The following OTOA variants were observed in gnomAD, a reference collection of about 807,000 sequenced individuals.
The protein encoded by OTOA is cancer/testis antigen 108.
A neutral mutation model predicts 110.8 loss-of-function variants in OTOA; 70 were observed. That is an observed-to-expected ratio of 0.63 (90% CI 0.52 to 0.77). OTOA has a LOEUF of 0.77. OTOA is among the 30% of genes least tolerant of loss of function. The probability of loss-of-function intolerance (pLI) is 0.00; values close to 1 mark genes in which losing one functional copy is unlikely to be tolerated. For synonymous variants in OTOA, 373 were observed against 431.5 expected (o/e 0.86, Z 1.68); for missense variants, 917 against 1,075.8 (o/e 0.85, Z 2.06).
intron 10 of OTOA, among the ~76,000 whole-genome samples, chr16:21,698,796 G>A (rs1479632905): frequency 6.6e-6 from 1 of 152,124 alleles, no homozygotes; most frequent in Non-Finnish European, 1.5e-5. Context: ...TCAATGTAGA[G>A]TTGCTTTGAG....
chr16:21,720,466 C>A (rs1410252341), intron 17 of OTOA, among the ~76,000 whole-genome samples: 1 of 152,156 alleles, frequency 6.6e-6, no homozygotes, highest in Non-Finnish European at 1.5e-5. Context: ...GGTGTATAAT[C>A]CTTCAAGATC....
At chr16:21,698,220 A>G (rs1237604644) in intron 10 of OTOA, among the ~76,000 whole-genome samples, 1 of 152,224 alleles carries the variant, frequency 6.6e-6, no homozygotes, top group African/African-American at 2.4e-5. Context: ...GACAAAAGAT[A>G]TAAAGTTTCC....
intron 22 of OTOA, among the ~76,000 whole-genome samples, chr16:21,738,791 C>A (rs1302661928): frequency 3.9e-5 from 6 of 152,302 alleles, no homozygotes; most frequent in African/African-American, 1.4e-4. Flanking sequence ...AACAGGAATG[C>A]CTATTCCCAT....
chr16:21,737,347 C>T (rs1222855985), intron 22 of OTOA, among the ~76,000 whole-genome samples: 1 of 152,304 alleles, frequency 6.6e-6, no homozygotes, highest in Non-Finnish European at 1.5e-5. Flanking sequence ...GCCTCAGCCT[C>T]CTGACTAGCT....
rs149356133 is a variant in OTOA at position 21,687,508 on chromosome 16, G to A, written c.495G>A (p.Glu165=). The A allele has an allele frequency of 3.2e-5, 51 of 1,614,006 alleles. No individual in the cohort carries two copies. In the African/African-American group the frequency reaches 6.4e-4, roughly 20 times the overall value. Residue 165 remains glutamate (E), a synonymous_variant, in exon 8 of 29, where the codon GAG becomes GAA. Transcript: ENST00000646100. ...GCAGCCTGTTTCTCATCACACTGGA[G>A]AGGTGTTTCCAGATGCTGAACTCCC... ...VNRSLFLITL[E]RCFQMLNSLE...
chr16:21,696,791 G>GT (rs567034893), intron 9 of OTOA, among the ~76,000 whole-genome samples: 113 of 152,066 alleles, frequency 7.4e-4, no homozygotes, highest in South Asian at 5.8e-3. Context: ...CTGGCCTCAT[G>GT]TTTCCAGATT....
intron 17 of OTOA, chr16:21,721,223 C>T: frequency 2.4e-6 from 1 of 423,230 alleles, no homozygotes; most frequent in Non-Finnish European, 4.8e-6. Context: ...TCTGAAAACA[C>T]ATAATTATTA....
At chr16:21,726,974 C>A in intron 19 of OTOA, 1 of 366,902 alleles carries the variant, frequency 2.7e-6, no homozygotes, top group Non-Finnish European at 5.2e-6. Context: ...TCAGTCTTCT[C>A]ATCTGTAAGG....
chr16:21,759,532 C>T (rs1326989398), intron 28 of OTOA, among the ~76,000 whole-genome samples: 1 of 151,122 alleles, frequency 6.6e-6, no homozygotes, highest in Non-Finnish European at 1.5e-5. Context: ...ATATAATTTG[C>T]ATCTGTGCAA....
At chr16:21,684,765 A>ATTATTTTTT (rs1273487436) in intron 6 of OTOA, among the ~76,000 whole-genome samples, 3 of 33,826 alleles carry the variant, frequency 8.9e-5, no homozygotes, top group African/African-American at 2.2e-4. Context: ...TATTATTATT[A>ATTATTTTTT]TTTTTTAGGT....
intron 9 of OTOA, among the ~76,000 whole-genome samples, chr16:21,695,884 T>TAC (rs1897924204): frequency 1.8e-5 from 1 of 54,658 alleles, no homozygotes; most frequent in Admixed American, 1.9e-4. Flanking sequence ...TATATATATA[T>TAC]ATATATATTT....
At chr16:21,697,076 C>T (rs1897959147) in intron 9 of OTOA, among the ~76,000 whole-genome samples, 1 of 103,732 alleles carries the variant, frequency 9.6e-6, no homozygotes, top group Admixed American at 1.4e-4. Flanking sequence ...CGATGAGGGT[C>T]TTGATATATT....
chr16:21,711,506 G>A (rs1368617716), intron 13 of OTOA, among the ~76,000 whole-genome samples: 1 of 152,036 alleles, frequency 6.6e-6, no homozygotes, highest in East Asian at 1.9e-4. Context: ...TCTTGCCCTT[G>A]TCGCCCATGC....
At chr16:21,722,712 C>T (rs887746320) in intron 17 of OTOA, among the ~76,000 whole-genome samples, 193 bp from the exon 18 acceptor site, 38 of 152,198 alleles carry the variant, frequency 2.5e-4, no homozygotes, top group Middle Eastern at 6.8e-3. Context: ...CTTAAATGTC[C>T]GTGTTCATGT....
At chr16:21,721,868 G>T (rs1898752998) in intron 17 of OTOA, among the ~76,000 whole-genome samples, 1 of 151,844 alleles carries the variant, frequency 6.6e-6, no homozygotes, top group Non-Finnish European at 1.5e-5. Flanking sequence ...TTTCAGCCTG[G>T]GTGACAGAGT....
Position 21,697,788 on chromosome 16 carries a change from A to G in OTOA, c.753A>G (p.Ser251=), listed in dbSNP as rs780644927. The change falls in exon 10 of 29, where the codon TCA becomes TCG. Residue 251 remains serine (S), a synonymous_variant. Coordinates refer to ENST00000646100, the MANE Select transcript of OTOA (RefSeq NM_144672.4). ...TSSNATDDSA[S]WVSAEHLWVL... ...TATTTTTTGTAGATGACTCTGCTTC[A>G]TGGGTCAGTGCGGAACACTTATGGG... is the stretch of plus-strand genomic sequence containing the variant. The G allele has an allele frequency of 6.2e-6, 10 of 1,614,014 alleles. No individual in the cohort carries two copies. Among genetic ancestry groups the G allele is most frequent in the Non-Finnish European group, 6.8e-6 (8 of 1,179,954 alleles).
chr16:21,715,058 T>C lies in OTOA; in HGVS notation c.1394T>C (p.Met465Thr), dbSNP rs760839563. The change falls in exon 14 of 29, where the codon ATG (methionine) becomes ACG (threonine). Residue 465 changes from methionine to threonine, a missense_variant. Physicochemically the swap from Met to Thr is moderately conservative, Grantham distance 81. Coordinates refer to ENST00000646100, the MANE Select transcript of OTOA (RefSeq NM_144672.4). ...GTCAGCACCCAGGCCTTCTGCAGCATGAAACGCAAGGACATCTCGCAGGTC... is the reference window on the plus strand; with the variant it reads ...GTCAGCACCCAGGCCTTCTGCAGCACGAAACGCAAGGACATCTCGCAGGTC... ...AGVSTQAFCS[M>T]KRKDISQVLR... 4 of 1,614,086 alleles carry C rather than the reference T, an allele frequency of 2.5e-6. No homozygotes were observed. The highest frequency in any genetic ancestry group is 3.4e-6 in the Non-Finnish European group (4 of 1,180,040).
chr16:21,759,836 G>T (rs1900111686), intron 28 of OTOA, among the ~76,000 whole-genome samples: 1 of 151,942 alleles, frequency 6.6e-6, no homozygotes, highest in Non-Finnish European at 1.5e-5. Context: ...GGAGACAGAG[G>T]CTACAGTGAG....
At chr16:21,707,371 A>G (rs1177199627) in intron 12 of OTOA, among the ~76,000 whole-genome samples, 1 of 152,002 alleles carries the variant, frequency 6.6e-6, no homozygotes, top group Non-Finnish European at 1.5e-5. Context: ...CATCTAAATC[A>G]CAGGGAGGGC....
Sources: allele counts gnomAD v4.1 joint callset (sites outside exome capture counted in the v4.1 genomes callset), GRCh38; gene constraint gnomAD v4.1.1; transcripts MANE v1.5; gene names NCBI Gene and HGNC (gene_info 2026-07-23, HGNC 2026-07-21).